Variants in PDSS2 observed in about 807,000 individuals in gnomAD.
PDSS2 encodes the protein all trans-polyprenyl-diphosphate synthase PDSS2.
Under a neutral mutation model 44.5 loss-of-function variants are expected in PDSS2, and 31 were observed. The ratio of observed to expected loss-of-function variants is 0.70; its 90% CI spans 0.52 to 0.94. The LOEUF (loss-of-function observed/expected upper bound fraction) is 0.94, where lower values mean the gene tolerates loss of function less well. Among genes scored for constraint, PDSS2 ranks in the 40% least tolerant of loss-of-function variants. The pLI is 0.00. For synonymous variants in PDSS2, 157 were observed against 180.3 expected (o/e 0.87, Z 1.03); for missense variants, 452 against 482.2 (o/e 0.94, Z 0.59).
intron 1 of PDSS2, among the ~76,000 whole-genome samples, chr6:107,424,430 TTATTGTGCTTTAATACACAG>T (rs1422491864): frequency 6.6e-6 from 1 of 152,192 alleles, no homozygotes; most frequent in African/African-American, 2.4e-5. Context: ...AACATATCCC[TTATTGTGCTTTAATACACAG>T]TAGTGAGTCA....
intron 4 of PDSS2, among the ~76,000 whole-genome samples, chr6:107,242,913 G>T (rs1774491952): frequency 1.3e-5 from 2 of 152,306 alleles, no homozygotes; most frequent in South Asian, 4.1e-4. Context: ...GGGCTATGAG[G>T]AGGTGGCAGG....
chr6:107,457,035 C>A (rs1161176863), intron 1 of PDSS2, among the ~76,000 whole-genome samples: 1 of 152,140 alleles, frequency 6.6e-6, no homozygotes, highest in Admixed American at 6.5e-5. Flanking sequence ...CATCTAGAAT[C>A]TCTGGAAAAC....
intron 1 of PDSS2, among the ~76,000 whole-genome samples, chr6:107,424,638 T>C (rs1318595255): frequency 6.6e-6 from 1 of 152,194 alleles, no homozygotes; most frequent in Admixed American, 6.5e-5. Flanking sequence ...CATTGCATTC[T>C]CTTTGTCTTC....
chr6:107,159,468 A>G (rs192046782), intron 7 of PDSS2, among the ~76,000 whole-genome samples: 211 of 149,522 alleles, frequency 1.4e-3, no homozygotes, highest in African/African-American at 4.9e-3. Context: ...CCAGGCTGGA[A>G]TGCAGTGGCG....
chr6:107,222,998 G>A (rs113492958), intron 4 of PDSS2, among the ~76,000 whole-genome samples: 20,128 of 150,518 alleles, frequency 0.13, 1,823 homozygotes, highest in African/African-American at 0.25. Context: ...ACCCAGGCTG[G>A]AGTGCAATGG....
intron 3 of PDSS2, among the ~76,000 whole-genome samples, chr6:107,250,836 A>C (rs78931710): frequency 0.052 from 7,947 of 152,210 alleles, 427 homozygotes; most frequent in African/African-American, 0.14. Context: ...AGGAGTGCCT[A>C]TCCTAAATTA....
chr6:107,350,319 G>A (rs893740323), intron 1 of PDSS2, among the ~76,000 whole-genome samples: 2 of 152,144 alleles, frequency 1.3e-5, no homozygotes, highest in Non-Finnish European at 2.9e-5. Flanking sequence ...CACCAGAGCA[G>A]GAAAAACGTT....
intron 1 of PDSS2, among the ~76,000 whole-genome samples, chr6:107,391,851 C>T (rs1309792350): frequency 2.4e-5 from 3 of 124,170 alleles, no homozygotes; most frequent in African/African-American, 5.0e-5. Flanking sequence ...AAGATACATG[C>T]TCATTTTTTT....
At chr6:107,228,715 TAAATAAACAAACAAACAAAC>T (rs1562392211) in intron 4 of PDSS2, among the ~76,000 whole-genome samples, 4 of 116,196 alleles carry the variant, frequency 3.4e-5, no homozygotes, top group African/African-American at 1.3e-4. Flanking sequence ...AATAAATAAA[TAAATAAACAAACAAACAAAC>T]AAACAAACAA....
intron 4 of PDSS2, among the ~76,000 whole-genome samples, chr6:107,244,077 G>A (rs369594173): frequency 6.6e-6 from 1 of 152,152 alleles, no homozygotes; most frequent in Non-Finnish European, 1.5e-5. Context: ...GTGGTGAGCC[G>A]AGATCGTGCC....
At chr6:107,190,084 T>TA (rs200204096) in intron 7 of PDSS2, among the ~76,000 whole-genome samples, 41,791 of 142,200 alleles carry the variant, frequency 0.29, 6,029 homozygotes, top group East Asian at 0.48. Context: ...ACCCTATCTC[T>TA]AAAAAAAAAA....
intron 3 of PDSS2, among the ~76,000 whole-genome samples, chr6:107,267,386 A>C (rs1449895961): frequency 1.3e-5 from 2 of 152,198 alleles, no homozygotes; most frequent in East Asian, 3.8e-4. Flanking sequence ...ATCACAGACC[A>C]CTGCAAATAT....
chr6:107,181,443 G>C (rs1771974182), intron 7 of PDSS2, among the ~76,000 whole-genome samples: 2 of 149,452 alleles, frequency 1.3e-5, no homozygotes, highest in Admixed American at 6.8e-5. Context: ...TGAGGTAGGA[G>C]AATTGCTTGA....
At chr6:107,319,402 G>T (rs370235485) in intron 2 of PDSS2, among the ~76,000 whole-genome samples, 1 of 152,154 alleles carries the variant, frequency 6.6e-6, no homozygotes, top group Admixed American at 6.6e-5. Context: ...CTTTTGCTAC[G>T]TTCCCACGCA....
chr6:107,302,993 T>G (rs1243698571), intron 2 of PDSS2, among the ~76,000 whole-genome samples: 1 of 152,216 alleles, frequency 6.6e-6, no homozygotes, highest in East Asian at 1.9e-4. Flanking sequence ...AGATTAAAAT[T>G]ATATTTCTGT....
intron 1 of PDSS2, among the ~76,000 whole-genome samples, chr6:107,395,895 T>C (rs1779925854): frequency 6.6e-6 from 1 of 152,230 alleles, no homozygotes; most frequent in African/African-American, 2.4e-5. Flanking sequence ...ATCTTTGTTC[T>C]AACAGACAGT....
intron 1 of PDSS2, among the ~76,000 whole-genome samples, chr6:107,364,963 G>C (rs1266940245): frequency 6.6e-6 from 1 of 152,178 alleles, no homozygotes; most frequent in Non-Finnish European, 1.5e-5. Flanking sequence ...GGAAGGCTTG[G>C]CAGCTAAGCC....
intron 1 of PDSS2, among the ~76,000 whole-genome samples, chr6:107,400,639 C>G (rs749811053): frequency 9.2e-5 from 14 of 152,178 alleles, no homozygotes; most frequent in Non-Finnish European, 1.9e-4. Flanking sequence ...GGTCCCACTA[C>G]CACGTGCTAA....
At chr6:107,439,722 T>C (rs573383769) in intron 1 of PDSS2, among the ~76,000 whole-genome samples, 10 of 152,306 alleles carry the variant, frequency 6.6e-5, no homozygotes, top group African/African-American at 2.4e-4. Flanking sequence ...TGAAAATATG[T>C]GGCCTGAGGT....
Sources: allele counts gnomAD v4.1 joint callset (sites outside exome capture counted in the v4.1 genomes callset), GRCh38; gene constraint gnomAD v4.1.1; transcripts MANE v1.5; gene names NCBI Gene and HGNC (gene_info 2026-07-23, HGNC 2026-07-21).